The following PCDHGA1 variants were observed in gnomAD, a reference collection of about 807,000 sequenced individuals.
The protein encoded by PCDHGA1 is protocadherin gamma-A1.
In PCDHGA1, 32 loss-of-function variants were observed where a neutral mutation model predicts 58.0. The observed-to-expected ratio is 0.55, with a 90% CI of 0.42 to 0.74. The LOEUF is 0.74. Among genes scored for constraint, PCDHGA1 ranks in the 30% least tolerant of loss-of-function variants. The pLI is 0.00. For missense variants in PCDHGA1, 1,205 were observed against 1,182.3 expected (o/e 1.02, Z -0.28); for synonymous variants, 498 against 501.1 (o/e 0.99, Z 0.08).
At chr5:141,418,693 T>C (rs989725231) in intron 1 of PCDHGA1, 1 of 1,613,922 alleles carries the variant, frequency 6.2e-7, no homozygotes, top group South Asian at 1.1e-5. Context: ...CAGAGATCAC[T>C]TATTCCTTCT....
At chr5:141,384,927 C>A in intron 1 of PCDHGA1, 1 of 1,614,014 alleles carries the variant, frequency 6.2e-7, no homozygotes, top group Non-Finnish European at 8.5e-7. Flanking sequence ...CCGACCTGGG[C>A]AGCCTTGAGC....
intron 1 of PCDHGA1, among the ~76,000 whole-genome samples, chr5:141,450,776 C>T (rs757791026): frequency 4.0e-5 from 6 of 151,440 alleles, no homozygotes; most frequent in Non-Finnish European, 8.8e-5. Context: ...CATGAGCCAC[C>T]GTGCCCGGAC....
At chr5:141,352,035 C>G in intron 1 of PCDHGA1, 1 of 1,608,896 alleles carries the variant, frequency 6.2e-7, no homozygotes, top group Non-Finnish European at 8.5e-7. Context: ...GCGGTGGACG[C>G]AGACTCAGGA....
At chr5:141,417,680 A>G (rs1236124418) in intron 1 of PCDHGA1, 21 of 1,016,072 alleles carry the variant, frequency 2.1e-5, no homozygotes, top group Non-Finnish European at 2.9e-5. Context: ...AGCCAACAAC[A>G]GAAAAGAAAA....
chr5:141,428,658 T>C (rs932328483), intron 1 of PCDHGA1: 1 of 165,620 alleles, frequency 6.0e-6, no homozygotes, highest in Non-Finnish European at 1.3e-5. Context: ...TGAGTTCCAA[T>C]GAATGTCTTT....
At chr5:141,346,150 C>T in intron 1 of PCDHGA1, 1 of 1,613,998 alleles carries the variant, frequency 6.2e-7, no homozygotes. Context: ...GTCTTCCTGG[C>T]CTTCGTCATC....
chr5:141,361,121 C>T, intron 1 of PCDHGA1: 1 of 1,613,950 alleles, frequency 6.2e-7, no homozygotes, highest in Non-Finnish European at 8.5e-7. Context: ...GATCTAGCAG[C>T]CCACTGCAGT....
At chr5:141,362,021 C>G in intron 1 of PCDHGA1, 1 of 1,607,220 alleles carries the variant, frequency 6.2e-7, no homozygotes, top group Non-Finnish European at 8.5e-7. Flanking sequence ...GTGCGCACAG[C>G]GCGTGCCTTG....
chr5:141,387,851 C>T, intron 1 of PCDHGA1: 5 of 1,596,536 alleles, frequency 3.1e-6, no homozygotes, highest in Non-Finnish European at 4.3e-6. Flanking sequence ...CCGGCGTCTC[C>T]AGGCTGGTGA....
At chr5:141,421,144 G>A (rs1241874764) in intron 1 of PCDHGA1, 1 of 999,180 alleles carries the variant, frequency 1.0e-6, no homozygotes, top group African/African-American at 1.6e-5. Flanking sequence ...TTTGGATGTA[G>A]TCGGCCTAGG....
At chr5:141,402,935 T>G in intron 1 of PCDHGA1, 1 of 1,587,712 alleles carries the variant, frequency 6.3e-7, no homozygotes, top group Non-Finnish European at 8.6e-7. Context: ...TTTGAGAAAA[T>G]TCCAAAGCGA....
chr5:141,360,414 A>G, intron 1 of PCDHGA1: 1 of 1,614,020 alleles, frequency 6.2e-7, no homozygotes, highest in Non-Finnish European at 8.5e-7. Flanking sequence ...TAGACCGAGA[A>G]CAGATATGCG....
intron 1 of PCDHGA1, chr5:141,342,562 A>C (rs1588453984): frequency 6.6e-6 from 1 of 152,226 alleles, no homozygotes; most frequent in Non-Finnish European, 1.5e-5. Context: ...TTCTGAGACA[A>C]GGTGTTGTTT....
At position 141,340,666 on chromosome 5, in the gene PCDHGA1, T is replaced by C. The variant is rs145370073; in HGVS notation, c.2421+7561T>C. The C allele has an allele frequency of 7.7e-5, 125 of 1,614,188 alleles. No individual in the cohort carries two copies. In the African/African-American group the frequency reaches 1.0e-3, roughly 13 times the overall value. ...ACAACGCGCCCGAGATCCTGTACCC[T>C]GCCTTCCCCACAGACGGTTCCACTG... On this transcript the variant is annotated intron_variant, in intron 1 of 3. Coordinates refer to ENST00000517417, the MANE Select transcript of PCDHGA1 (RefSeq NM_018912.3).
rs749494519 is a variant in PCDHGA1, at chr5:141,330,852, C to G, written c.168C>G (p.Pro56=). The part of the protein sequence containing the change: ...GNIAKDLGLQ[P]QELADGGVRI... The stretch of plus-strand genomic sequence containing the variant: ...TCGCCAAGGACCTAGGGCTGCAACC[C>G]CAGGAGCTGGCAGATGGCGGAGTCC... Residue 56 remains proline (P), a synonymous_variant, in exon 1 of 4, where the codon CCC becomes CCG. Coordinates refer to ENST00000517417, the MANE Select transcript of PCDHGA1 (RefSeq NM_018912.3). 1.2e-6 allele frequency: 2 copies of G among 1,614,152 alleles called. No homozygotes were observed. Among genetic ancestry groups the G allele is most frequent in the Non-Finnish European group, 1.7e-6 (2 of 1,180,034 alleles).
At chr5:141,409,122 T>G (rs1276365021) in intron 1 of PCDHGA1, 1 of 1,614,026 alleles carries the variant, frequency 6.2e-7, no homozygotes, top group South Asian at 1.1e-5. Context: ...AACCAGTCAT[T>G]TGATTTTGAA....
intron 1 of PCDHGA1, chr5:141,390,163 C>A: frequency 1.2e-6 from 2 of 1,613,992 alleles, no homozygotes; most frequent in South Asian, 1.1e-5. Flanking sequence ...ACAGGAAAGA[C>A]GGAGTTTAAT....
At chr5:141,497,553 T>C (rs2099777684) in intron 2 of PCDHGA1, among the ~76,000 whole-genome samples, 1 of 151,326 alleles carries the variant, frequency 6.6e-6, no homozygotes, top group South Asian at 2.1e-4. Context: ...TTTTTTTTTT[T>C]TTTTTAGACA....
intron 1 of PCDHGA1, chr5:141,440,247 T>C (rs1158469276): frequency 1.3e-5 from 2 of 152,296 alleles, no homozygotes; most frequent in Non-Finnish European, 2.9e-5. Context: ...GGCGAGCAGA[T>C]TACGAGGTCA....
Sources: gnomAD v4.1 joint callset for allele counts (sites outside exome capture counted in the v4.1 genomes callset) on GRCh38, gnomAD v4.1.1 for gene constraint, MANE v1.5 for transcripts, NCBI Gene and HGNC (gene_info 2026-07-23, HGNC 2026-07-21) for gene names.